Variants in AFF2 observed in about 807,000 individuals in gnomAD.
The protein encoded by AFF2 is AF4/FMR2 family member 2.
Under a neutral mutation model 76.9 loss-of-function variants are expected in AFF2, and 14 were observed. That is an observed-to-expected ratio of 0.18 (90% CI 0.12 to 0.28). The LOEUF is 0.28. AFF2 is among the 10% of genes least tolerant of loss of function. AFF2 has a pLI of 1.00. For missense variants in AFF2, 868 were observed against 1,001.1 expected, an observed-to-expected ratio of 0.87 and a Z score of 1.79; for synonymous variants, 398 against 366.7, an observed-to-expected ratio of 1.09 and a Z score of -0.98.
At chrX:148,650,143 A>G (rs1358560904) in intron 1 of AFF2, among the ~76,000 whole-genome samples, 7 of 110,923 alleles carry the variant, frequency 6.3e-5, no homozygotes, top group African/African-American at 2.3e-4. Flanking sequence ...ATGGGATTGG[A>G]TTACACACAG....
chrX:148,952,417 G>A (rs782599973), intron 9 of AFF2, among the ~76,000 whole-genome samples: 24 of 111,376 alleles, frequency 2.2e-4, no homozygotes, highest in Non-Finnish European at 4.0e-4. Flanking sequence ...AAGAGGCTGC[G>A]AAGGCCCAGT....
At chrX:148,574,461 C>T (rs1603246599) in intron 1 of AFF2, among the ~76,000 whole-genome samples, 2 of 111,571 alleles carry the variant, frequency 1.8e-5, no homozygotes, top group East Asian at 5.7e-4. Context: ...GAGCCATAAC[C>T]ACAGCTCTGG....
intron 1 of AFF2, among the ~76,000 whole-genome samples, chrX:148,547,908 G>A (rs781917629): frequency 1.3e-3 from 141 of 111,634 alleles, no homozygotes; most frequent in African/African-American, 4.3e-3. Flanking sequence ...GTCTATCTAC[G>A]TGTGTACCAA....
At chrX:148,674,996 C>G (rs1290310195) in intron 3 of AFF2, among the ~76,000 whole-genome samples, 1 of 112,181 alleles carries the variant, frequency 8.9e-6, no homozygotes, top group Admixed American at 9.4e-5. Flanking sequence ...CTTTGCATAG[C>G]TGATGTGTAG....
intron 9 of AFF2, among the ~76,000 whole-genome samples, chrX:148,933,956 G>C (rs1557284707): frequency 1.8e-5 from 2 of 111,545 alleles, no homozygotes; most frequent in Admixed American, 1.9e-4. Flanking sequence ...CATAAGTCCA[G>C]GCTAGAATTA....
At chrX:148,863,433 T>C (rs1557276591) in intron 7 of AFF2, among the ~76,000 whole-genome samples, 1 of 111,891 alleles carries the variant, frequency 8.9e-6, no homozygotes, top group Non-Finnish European at 1.9e-5. Flanking sequence ...TCACTTTCCA[T>C]TATCTTGGTT....
At chrX:148,671,170 T>C (rs2054419593) in intron 3 of AFF2, among the ~76,000 whole-genome samples, 1 of 112,041 alleles carries the variant, frequency 8.9e-6, no homozygotes, top group Non-Finnish European at 1.9e-5. Context: ...GCCTTTGTCA[T>C]TGTTTAACAC....
intron 1 of AFF2, among the ~76,000 whole-genome samples, chrX:148,638,613 A>G (rs1557254228): frequency 9.0e-6 from 1 of 111,608 alleles, no homozygotes; most frequent in African/African-American, 3.3e-5. Flanking sequence ...CGGTTCACAC[A>G]TGGCTTGGCT....
intron 1 of AFF2, among the ~76,000 whole-genome samples, chrX:148,513,410 A>G (rs1372096659): frequency 1.8e-5 from 2 of 111,732 alleles, no homozygotes; most frequent in East Asian, 5.6e-4. Flanking sequence ...TTACACTCTG[A>G]TCACCATTAT....
At chrX:148,644,349 G>A (rs145896902) in intron 1 of AFF2, among the ~76,000 whole-genome samples, 11 of 111,275 alleles carry the variant, frequency 9.9e-5, no homozygotes, top group Non-Finnish European at 1.9e-4. Context: ...CAGCCCCAGC[G>A]GTTACTGTGT....
chrX:148,901,663 A>G (rs1557280893), intron 8 of AFF2, among the ~76,000 whole-genome samples: 1 of 112,209 alleles, frequency 8.9e-6, no homozygotes, highest in Non-Finnish European at 1.9e-5. Context: ...CTCTTTGTGT[A>G]TCTTGTAGAA....
chrX:148,572,683 TTA>T (rs1347908006), intron 1 of AFF2, among the ~76,000 whole-genome samples: 1 of 111,881 alleles, frequency 8.9e-6, no homozygotes, highest in Non-Finnish European at 1.9e-5. Context: ...AGGTTACATA[TTA>T]TATGATTCAA....
intron 1 of AFF2, among the ~76,000 whole-genome samples, chrX:148,552,261 C>T (rs1489314703): frequency 8.9e-6 from 1 of 112,242 alleles, no homozygotes; most frequent in Non-Finnish European, 1.9e-5. Context: ...GACACAGCCA[C>T]ATGTCCTTTA....
At chrX:148,537,462 A>G (rs1216195037) in intron 1 of AFF2, among the ~76,000 whole-genome samples, 1 of 111,583 alleles carries the variant, frequency 9.0e-6, no homozygotes, top group Non-Finnish European at 1.9e-5. Context: ...GTATAAGTTG[A>G]TGAGAGAGCC....
intron 9 of AFF2, among the ~76,000 whole-genome samples, chrX:148,951,282 G>A (rs1015533259): frequency 1.8e-5 from 2 of 111,300 alleles, no homozygotes; most frequent in Admixed American, 9.6e-5. Context: ...CCTGCTTCAT[G>A]TGTATCACCT....
intron 2 of AFF2, 90 bp from the exon 3 acceptor site, chrX:148,661,818 T>A: frequency 1.1e-6 from 1 of 913,748 alleles, no homozygotes; most frequent in African/African-American, 2.0e-5. Context: ...TATGATAGTC[T>A]ACTTAGGGCA....
chrX:148,733,926 T>C (rs2055255770), intron 3 of AFF2, among the ~76,000 whole-genome samples: 1 of 112,492 alleles, frequency 8.9e-6, no homozygotes, highest in African/African-American at 3.2e-5. Context: ...TTCCATCCAG[T>C]GGCCTTGGTT....
chrX:148,803,261 C>T (rs782708377), intron 3 of AFF2, among the ~76,000 whole-genome samples: 3 of 111,411 alleles, frequency 2.7e-5, no homozygotes, highest in Non-Finnish European at 5.7e-5. Flanking sequence ...GTCAGAGTCA[C>T]GGAGGCTGGC....
At chrX:148,674,355 CA>C (rs1275840523) in intron 3 of AFF2, among the ~76,000 whole-genome samples, 18 of 112,053 alleles carry the variant, frequency 1.6e-4, no homozygotes, top group African/African-American at 5.5e-4. Flanking sequence ...CACAGCAGAA[CA>C]CATTTTGCTT....
Sources: gnomAD v4.1 joint callset for allele counts (sites outside exome capture counted in the v4.1 genomes callset) on GRCh38, gnomAD v4.1.1 for gene constraint, MANE v1.5 for transcripts, NCBI Gene and HGNC (gene_info 2026-07-23, HGNC 2026-07-21) for gene names.